The following ZNF423 variants were observed in gnomAD, a reference collection of about 807,000 sequenced individuals.
ZNF423 encodes zinc finger protein 423.
In ZNF423, 12 loss-of-function variants were observed where a neutral mutation model predicts 95.8. That is an observed-to-expected ratio of 0.13 (90% CI 0.08 to 0.20). The LOEUF (loss-of-function observed/expected upper bound fraction) is 0.20, where lower values mean the gene tolerates loss of function less well. ZNF423 is among the 10% of genes least tolerant of loss of function. ZNF423 has a pLI of 1.00. For synonymous variants in ZNF423, 749 were observed against 711.9 expected (o/e 1.05, Z -0.83); for missense variants, 1,316 against 1,737.1 (o/e 0.76, Z 4.31).
At chr16:49,815,896 ATATATATATATATATATATTTTTTTTT>A (rs2034839612) in intron 1 of ZNF423, among the ~76,000 whole-genome samples, 3 of 55,148 alleles carry the variant, frequency 5.4e-5, no homozygotes, top group South Asian at 7.9e-4. Flanking sequence ...ATATATATAT[ATATATATATATATATATATTTTTTTTT>A]TTTTTTTTTT....
At chr16:49,755,132 C>CA (rs1312734166) in intron 2 of ZNF423, among the ~76,000 whole-genome samples, 1 of 152,154 alleles carries the variant, frequency 6.6e-6, no homozygotes, top group Admixed American at 6.5e-5. Context: ...CCTGTCCCCC[C>CA]ACAAGTGCAA....
intron 1 of ZNF423, among the ~76,000 whole-genome samples, chr16:49,805,989 C>T (rs2034657104): frequency 6.6e-6 from 1 of 152,246 alleles, no homozygotes; most frequent in East Asian, 1.9e-4. Context: ...CCCCCGGCCT[C>T]CCGGGCTGCC....
intron 5 of ZNF423, among the ~76,000 whole-genome samples, chr16:49,594,879 C>G (rs1971133962): frequency 2.0e-5 from 3 of 152,204 alleles, no homozygotes. Context: ...ACAGGGCTGT[C>G]AACGCAGATG....
chr16:49,623,935 T>C (rs1156956031), intron 5 of ZNF423, among the ~76,000 whole-genome samples: 1 of 152,192 alleles, frequency 6.6e-6, no homozygotes, highest in Admixed American at 6.5e-5. Context: ...AAGAAGGGCC[T>C]TTGCAATGCA....
At chr16:49,690,628 G>T (rs754021447) in intron 3 of ZNF423, among the ~76,000 whole-genome samples, 6 of 152,190 alleles carry the variant, frequency 3.9e-5, no homozygotes, top group Non-Finnish European at 7.3e-5. Context: ...AAATCCCCTT[G>T]CAGAGAAAGT....
At chr16:49,783,052 G>A (rs1411050265) in intron 2 of ZNF423, among the ~76,000 whole-genome samples, 1 of 152,002 alleles carries the variant, frequency 6.6e-6, no homozygotes. Context: ...ACATGGTCGT[G>A]TTGGTTCCCT....
At chr16:49,568,633 A>G (rs1311684665) in intron 5 of ZNF423, among the ~76,000 whole-genome samples, 1 of 152,030 alleles carries the variant, frequency 6.6e-6, no homozygotes, top group Non-Finnish European at 1.5e-5. Flanking sequence ...CCACAGTATT[A>G]GTACATCGAT....
chr16:49,597,342 G>A lies in ZNF423; in HGVS notation c.3601+28828C>T, dbSNP rs181812413. On this transcript the variant is annotated intron_variant, in intron 5 of 7. Transcript: ENST00000563137. ...GACTACTGAGCAACTGAAATGGGGTGGGTCTACCCTGAGACGTGCTGTCAG... is the reference window on the plus strand; with the variant it reads ...GACTACTGAGCAACTGAAATGGGGTAGGTCTACCCTGAGACGTGCTGTCAG... 9.2e-5 allele frequency among the ~76,000 whole-genome samples: 14 copies of A among 152,240 alleles called. No homozygotes were observed. In the East Asian group the frequency reaches 1.9e-3, roughly 21 times the overall value.
At chr16:49,605,669 T>C (rs949927552) in intron 5 of ZNF423, among the ~76,000 whole-genome samples, 1 of 152,226 alleles carries the variant, frequency 6.6e-6, no homozygotes, top group Non-Finnish European at 1.5e-5. Flanking sequence ...GCACCAGCCC[T>C]GGAAGACTGT....
rs1197947777 is a variant in ZNF423 at position 49,635,967 on chromosome 16, T to G, written c.3209A>C (p.Lys1070Thr). Residue 1070 changes from lysine (K) to threonine (T), a missense_variant, in exon 4 of 8, where the codon AAG (lysine) becomes ACG (threonine). Physicochemically the swap from Lys to Thr is moderately conservative, Grantham distance 78. This residue lies in a region of ZNF423 where 620 missense variants were observed against 775.6 expected (regional missense o/e 0.80). Transcript: ENST00000563137. This position sits in a 1 kb window ranked among gnomAD's most constrained non-coding sequence, Gnocchi z 4.8. ...ASSPNGQGLQKLYKCALCLKE... is the reference protein window; with the variant it reads ...ASSPNGQGLQTLYKCALCLKE... ...GAGGCACAGGGCGCACTTGTAGAGCTTCTGCAGCCCCTGGCCATTGGGGGA... is the reference window on the plus strand; with the variant it reads ...GAGGCACAGGGCGCACTTGTAGAGCGTCTGCAGCCCCTGGCCATTGGGGGA... The G allele has an allele frequency of 1.3e-6, 2 of 1,598,376 alleles. No homozygotes were observed. The highest frequency in any genetic ancestry group is 1.7e-6 in the Non-Finnish European group (2 of 1,171,010).
At chr16:49,610,703 A>C (rs1033382449) in intron 5 of ZNF423, among the ~76,000 whole-genome samples, 9 of 152,082 alleles carry the variant, frequency 5.9e-5, no homozygotes, top group African/African-American at 1.9e-4. Context: ...TAACCTAACT[A>C]TACTAATTAA....
At chr16:49,835,117 C>T (rs574577503) in intron 1 of ZNF423, among the ~76,000 whole-genome samples, 28 of 152,210 alleles carry the variant, frequency 1.8e-4, no homozygotes, top group African/African-American at 6.0e-4. Flanking sequence ...CACTTTCTCC[C>T]ACCCCCTGGC....
intron 3 of ZNF423, among the ~76,000 whole-genome samples, chr16:49,701,339 C>T (rs1386956864): frequency 6.6e-6 from 1 of 152,210 alleles, no homozygotes; most frequent in Non-Finnish European, 1.5e-5. Flanking sequence ...AAAAAAGTAG[C>T]AGCCAGCCTT....
chr16:49,857,856 G>A (rs966319049), upstream of ZNF423: 1 of 152,270 alleles, frequency 6.6e-6, no homozygotes, highest in Non-Finnish European at 1.5e-5. This position sits in a 1 kb window ranked among gnomAD's most constrained non-coding sequence, Gnocchi z 6.2. Context: ...GTCCCCCGCA[G>A]CTCCTGAACC....
intron 3 of ZNF423, among the ~76,000 whole-genome samples, chr16:49,699,517 G>T (rs1876497715): frequency 6.6e-6 from 1 of 151,838 alleles, no homozygotes; most frequent in African/African-American, 2.4e-5. Context: ...GTTCTTCCCT[G>T]GAACCACATG....
At chr16:49,689,079 G>A (rs757250250) in intron 3 of ZNF423, among the ~76,000 whole-genome samples, 10 of 152,158 alleles carry the variant, frequency 6.6e-5, no homozygotes, top group Non-Finnish European at 1.2e-4. Context: ...GGATGAGAAG[G>A]ATTTGTTCCT....
At chr16:49,634,016 C>G (rs761184249) in intron 4 of ZNF423, among the ~76,000 whole-genome samples, 1 of 151,304 alleles carries the variant, frequency 6.6e-6, no homozygotes, top group Non-Finnish European at 1.5e-5. Flanking sequence ...AAGCAATTCT[C>G]CTGCCTCAGC....
At chr16:49,759,902 T>C (rs2033796188) in intron 2 of ZNF423, among the ~76,000 whole-genome samples, 1 of 151,968 alleles carries the variant, frequency 6.6e-6, no homozygotes, top group African/African-American at 2.4e-5. Flanking sequence ...TTGCGAGTTG[T>C]GGGTGTTCCC....
intron 5 of ZNF423, among the ~76,000 whole-genome samples, chr16:49,529,255 G>A (rs1968747928): frequency 6.6e-6 from 1 of 151,586 alleles, no homozygotes; most frequent in Non-Finnish European, 1.5e-5. Context: ...TTCAGATCTT[G>A]CCTCCTGTTC....
Sources: allele counts gnomAD v4.1 joint callset (sites outside exome capture counted in the v4.1 genomes callset), GRCh38; gene constraint gnomAD v4.1.1; regional missense constraint gnomAD v4.1.1; non-coding constraint Gnocchi (gnomAD v3.1); transcripts MANE v1.5; gene names NCBI Gene and HGNC (gene_info 2026-07-23, HGNC 2026-07-21).